Variants in SLIT2 observed in about 807,000 individuals in gnomAD.
The protein encoded by SLIT2 is slit guidance ligand 2.
A neutral mutation model predicts 185.7 loss-of-function variants in SLIT2; 41 were observed. That is an observed-to-expected ratio of 0.22 (90% CI 0.17 to 0.29). SLIT2 has a LOEUF of 0.29. Among genes scored for constraint, SLIT2 ranks in the 10% least tolerant of loss-of-function variants. The probability of loss-of-function intolerance (pLI) is 1.00; values close to 1 mark genes in which losing one functional copy is unlikely to be tolerated. For missense variants in SLIT2, 1,571 were observed against 1,909.0 expected (o/e 0.82, Z 3.30); for synonymous variants, 693 against 680.2 (o/e 1.02, Z -0.29).
intron 4 of SLIT2, among the ~76,000 whole-genome samples, chr4:20,420,421 C>T (rs1468361144): frequency 6.6e-6 from 1 of 152,136 alleles, no homozygotes; most frequent in Non-Finnish European, 1.5e-5. Context: ...ACTTTGTATG[C>T]CAGTTACTAT....
intron 3 of SLIT2, among the ~76,000 whole-genome samples, chr4:20,264,840 G>A (rs143264472): frequency 6.6e-6 from 1 of 152,018 alleles, no homozygotes; most frequent in African/African-American, 2.4e-5. Context: ...CTGAAACTGT[G>A]AATTGCCATC....
chr4:20,436,168 A>G (rs1343072640), intron 4 of SLIT2, among the ~76,000 whole-genome samples: 2 of 152,244 alleles, frequency 1.3e-5, no homozygotes, highest in East Asian at 3.8e-4. Context: ...ATCAGAAACA[A>G]TTATTTTCCA....
chr4:20,365,298 A>T (rs1222416916), intron 4 of SLIT2, among the ~76,000 whole-genome samples: 1 of 152,152 alleles, frequency 6.6e-6, no homozygotes, highest in African/African-American at 2.4e-5. Flanking sequence ...AAAAGTCCAC[A>T]GGGAGGCGGC....
chr4:20,288,513 C>T (rs1715494746), intron 4 of SLIT2, among the ~76,000 whole-genome samples: 1 of 152,124 alleles, frequency 6.6e-6, no homozygotes, highest in Admixed American at 6.6e-5. Flanking sequence ...GATCTATACC[C>T]AGGATAATTT....
At chr4:20,263,155 C>G (rs1712669026) in intron 3 of SLIT2, among the ~76,000 whole-genome samples, 1 of 151,626 alleles carries the variant, frequency 6.6e-6, no homozygotes, top group Non-Finnish European at 1.5e-5. Flanking sequence ...ATTGTGTCTT[C>G]TAGACTGAAT....
At chr4:20,539,667 C>A in intron 19 of SLIT2, 83 bp downstream of exon 19, 1 of 883,472 alleles carries the variant, frequency 1.1e-6, no homozygotes, top group Non-Finnish European at 1.6e-6. Flanking sequence ...TTAAGCATTT[C>A]ATTAAAATGT....
chr4:20,298,145 A>G (rs1716674316), intron 4 of SLIT2, among the ~76,000 whole-genome samples: 1 of 150,772 alleles, frequency 6.6e-6, no homozygotes, highest in South Asian at 2.1e-4. Context: ...CTGGAGTGCA[A>G]TGGCGTAATC....
At chr4:20,430,600 C>T (rs939189292) in intron 4 of SLIT2, among the ~76,000 whole-genome samples, 1 of 152,160 alleles carries the variant, frequency 6.6e-6, no homozygotes, top group African/African-American at 2.4e-5. Context: ...AACCCTTAAC[C>T]TTCACCACAA....
Position 20,573,285 on chromosome 4 carries a change from T to C in SLIT2, c.3088+4281T>C, listed in dbSNP as rs535007863. The C allele has an allele frequency of 1.3e-5, 9 of 702,982 alleles. No homozygotes were observed. In the African/African-American group the frequency reaches 1.6e-4, roughly 12 times the overall value. The allele number at this position is 702,982 out of a possible 1,614,324, so 43.5% of individuals were successfully genotyped here. A position where few individuals can be genotyped will look rare whatever the true frequency, so the allele number is the denominator to read the frequency against. On this transcript the variant is annotated intron_variant, in intron 29 of 36. Coordinates refer to ENST00000504154, the MANE Select transcript of SLIT2 (RefSeq NM_004787.4). Reference sequence around the variant, plus strand: ...GGTTAGTTGCCTTTTAAGTCTATTATGATTTTCATTTTAGTCTCCCTCTTT... The same window carrying C: ...GGTTAGTTGCCTTTTAAGTCTATTACGATTTTCATTTTAGTCTCCCTCTTT...
At chr4:20,361,965 G>T (rs572121706) in intron 4 of SLIT2, among the ~76,000 whole-genome samples, 4 of 151,740 alleles carry the variant, frequency 2.6e-5, no homozygotes, top group African/African-American at 9.7e-5. Flanking sequence ...AATTATTTTC[G>T]ACCTTAATTC....
chr4:20,372,045 G>A (rs184032597), intron 4 of SLIT2, among the ~76,000 whole-genome samples: 50 of 152,220 alleles, frequency 3.3e-4, no homozygotes, highest in African/African-American at 1.2e-3. Flanking sequence ...GTTGCTTCAA[G>A]TGGATGAGAG....
chr4:20,340,364 C>A (rs536136859), intron 4 of SLIT2, among the ~76,000 whole-genome samples: 2 of 152,220 alleles, frequency 1.3e-5, no homozygotes, highest in South Asian at 4.1e-4. Flanking sequence ...AATCCCTGGA[C>A]ATATTAATTT....
At chr4:20,316,518 G>A (rs1718604603) in intron 4 of SLIT2, among the ~76,000 whole-genome samples, 1 of 151,768 alleles carries the variant, frequency 6.6e-6, no homozygotes, top group Non-Finnish European at 1.5e-5. Flanking sequence ...AGTTTAACAG[G>A]TCTCACATAA....
chr4:20,480,690 A>G (rs753684057), intron 5 of SLIT2, 26 bp from the exon 6 acceptor site: 130 of 1,580,478 alleles, frequency 8.2e-5, no homozygotes, highest in Non-Finnish European at 1.1e-4. Flanking sequence ...TCCCTTCTAC[A>G]TATATTCTTC....
intron 4 of SLIT2, among the ~76,000 whole-genome samples, chr4:20,380,727 GA>G (rs1413990459): frequency 6.6e-6 from 1 of 151,954 alleles, no homozygotes; most frequent in Non-Finnish European, 1.5e-5. Flanking sequence ...AAATGAAGCA[GA>G]AAAAAGTACT....
intron 5 of SLIT2, among the ~76,000 whole-genome samples, chr4:20,477,483 G>A (rs1036934955): frequency 4.6e-5 from 7 of 152,114 alleles, no homozygotes; most frequent in African/African-American, 1.4e-4. Context: ...ACAGGCATGA[G>A]CCACCACGCC....
At chr4:20,497,247 T>A (rs1718304405) in intron 9 of SLIT2, among the ~76,000 whole-genome samples, 1 of 89,774 alleles carries the variant, frequency 1.1e-5, no homozygotes, top group African/African-American at 4.8e-5. Context: ...ACTTTGTTGT[T>A]TAAAAAAAAC....
In SLIT2 at chr4:20,323,953, G is replaced by A. The variant is rs1025391432; in HGVS notation, c.395+55072G>A. ...ATTTGGAAGTTCATAACATGATCCT[G>A]AAGGCACTTTGGACAATTTTTGATT... On this transcript the variant is annotated intron_variant, in intron 4 of 36. Transcript: ENST00000504154. Among the ~76,000 whole-genome samples, 6 of 152,168 alleles carry A rather than the reference G, an allele frequency of 3.9e-5. 1 individual carries two copies. The highest frequency in any genetic ancestry group is 1.4e-4 in the African/African-American group (6 of 41,446).
rs530728437 is a variant in SLIT2 at position 20,536,828 on chromosome 4, T to C, written c.1833-2613T>C. ...TATTATTCTTTTCTTTATTCTTTTC[T>C]GTTTTTTAAATTGTTTGATTTACTT... On this transcript the variant is annotated intron_variant, in intron 18 of 36. Transcript: ENST00000504154. Among the ~76,000 whole-genome samples, 12 of 152,250 alleles carry C rather than the reference T, an allele frequency of 7.9e-5. No individual in the cohort carries two copies. In the East Asian group the frequency reaches 2.3e-3, roughly 29 times the overall value.
Sources: gnomAD v4.1 joint callset for allele counts (sites outside exome capture counted in the v4.1 genomes callset) on GRCh38, gnomAD v4.1.1 for gene constraint, MANE v1.5 for transcripts, NCBI Gene and HGNC (gene_info 2026-07-23, HGNC 2026-07-21) for gene names.